CDH26: variants seen among roughly 807,000 people sequenced by gnomAD.
The protein encoded by CDH26 is cadherin 26.
A neutral mutation model predicts 90.3 loss-of-function variants in CDH26; 83 were observed. The observed-to-expected ratio is 0.92, with a 90% CI of 0.77 to 1.10. CDH26 has a LOEUF of 1.10. Ranked by LOEUF, CDH26 falls within the 50% of genes least tolerant of loss-of-function variation. The pLI is 0.00. For synonymous variants in CDH26, 397 were observed against 396.3 expected (o/e 1.00, Z -0.02); for missense variants, 1,013 against 1,037.6 (o/e 0.98, Z 0.33).
intron 15 of CDH26, among the ~76,000 whole-genome samples, chr20:60,002,069 A>G (rs1414381504): frequency 6.6e-6 from 1 of 152,184 alleles, no homozygotes; most frequent in Admixed American, 6.5e-5. Context: ...TTATTTAACC[A>G]AAATGTACTT....
intron 13 of CDH26, among the ~76,000 whole-genome samples, chr20:59,998,662 G>A (rs2061634170): frequency 6.6e-6 from 1 of 152,108 alleles, no homozygotes; most frequent in African/African-American, 2.4e-5. Context: ...TCTGAGAAGT[G>A]GAATTCAACA....
intron 7 of CDH26, among the ~76,000 whole-genome samples, chr20:59,985,393 C>T (rs777290110): frequency 1.3e-5 from 2 of 152,056 alleles, no homozygotes; most frequent in Non-Finnish European, 2.9e-5. Context: ...GGGGAGCAGG[C>T]ATGTCACTCG....
intron 4 of CDH26, among the ~76,000 whole-genome samples, chr20:59,974,928 A>AC (rs2061310054): frequency 6.6e-6 from 1 of 152,044 alleles, no homozygotes; most frequent in Admixed American, 6.5e-5. Flanking sequence ...CTTAGAATGT[A>AC]GTTCTAAGAG....
At position 59,990,416 on chromosome 20, in the gene CDH26, G is replaced by A. The variant is rs143934596; in HGVS notation, c.1283+1253G>A. Among the ~76,000 whole-genome samples, 428 of 152,240 alleles carry A rather than the reference G, an allele frequency of 2.8e-3. 3 individuals carry two copies. The highest frequency in any genetic ancestry group is 9.5e-3 in the African/African-American group (396 of 41,540). ...TTCTCTCTCCAGGCTGAGCTCAGCAGTTGGCCCCAGACCCCATTCCACCAG... is the reference window on the plus strand; with the variant it reads ...TTCTCTCTCCAGGCTGAGCTCAGCAATTGGCCCCAGACCCCATTCCACCAG... On this transcript the variant is annotated intron_variant, in intron 9 of 17. Coordinates refer to ENST00000348616, the MANE Select transcript of CDH26 (RefSeq NM_177980.4).
intron 4 of CDH26, among the ~76,000 whole-genome samples, chr20:59,978,600 C>T (rs2061353911): frequency 6.6e-6 from 1 of 152,030 alleles, no homozygotes; most frequent in African/African-American, 2.4e-5. Flanking sequence ...TCTTGAACTC[C>T]TGACCTCAGG....
At chr20:59,966,874 A>T (rs1367668252) in intron 1 of CDH26, among the ~76,000 whole-genome samples, 6 of 152,238 alleles carry the variant, frequency 3.9e-5, no homozygotes, top group African/African-American at 1.2e-4. Flanking sequence ...ATGGATAAAT[A>T]GATTATTACC....
intron 1 of CDH26, among the ~76,000 whole-genome samples, chr20:59,959,288 T>C (rs2061037203): frequency 6.6e-6 from 1 of 152,070 alleles, no homozygotes; most frequent in African/African-American, 2.4e-5. Flanking sequence ...TTTATAGAGA[T>C]GGATTTTCAC....
intron 1 of CDH26, among the ~76,000 whole-genome samples, chr20:59,963,483 T>A (rs907328531): frequency 2.6e-5 from 4 of 152,080 alleles, no homozygotes; most frequent in African/African-American, 9.7e-5. Context: ...TAAACTCAGG[T>A]CTTCTAAACT....
At chr20:59,981,340 A>C (rs1205114042) in intron 4 of CDH26, among the ~76,000 whole-genome samples, 1 of 152,178 alleles carries the variant, frequency 6.6e-6, no homozygotes, top group Non-Finnish European at 1.5e-5. Context: ...TCATCTTGGC[A>C]ATACTGAGTC....
At chr20:60,031,866 G>A (rs6027250) in intron 8 of CDH26, among the ~76,000 whole-genome samples, 7 of 152,242 alleles carry the variant, frequency 4.6e-5, no homozygotes, top group African/African-American at 7.2e-5. Flanking sequence ...TCTGTCATGC[G>A]ATTTGTAAAT....
chr20:60,035,450 C>T (rs2062075280), downstream of CDH26, among the ~76,000 whole-genome samples: 1 of 152,176 alleles, frequency 6.6e-6, no homozygotes, highest in Admixed American at 6.5e-5. Context: ...TAAAAAGGGT[C>T]TGTAATTTTA....
At chr20:60,012,486 G>A (rs1323065159) in intron 17 of CDH26, 41 bp from the exon 18 acceptor site, 10 of 1,576,968 alleles carry the variant, frequency 6.3e-6, no homozygotes, top group African/African-American at 1.4e-5. Context: ...GGGTATGGAA[G>A]CACATGGCAT....
chr20:59,977,001 G>C (rs140037157), intron 4 of CDH26, among the ~76,000 whole-genome samples: 15 of 152,082 alleles, frequency 9.9e-5, no homozygotes, highest in Non-Finnish European at 2.1e-4. Flanking sequence ...AAGAATCGGC[G>C]GAAGGTGCAG....
intron 16 of CDH26, among the ~76,000 whole-genome samples, chr20:60,006,383 G>C (rs947198413): frequency 6.6e-6 from 1 of 152,242 alleles, no homozygotes; most frequent in African/African-American, 2.4e-5. Flanking sequence ...AATGAGCGAG[G>C]AGGGGCAGTG....
intron 13 of CDH26, among the ~76,000 whole-genome samples, chr20:59,998,757 A>T (rs569924281): frequency 6.6e-6 from 1 of 152,336 alleles, no homozygotes; most frequent in Admixed American, 6.5e-5. Flanking sequence ...TGAGCTTGAT[A>T]GTCTTCTGTC....
At position 59,982,957 on chromosome 20, in the gene CDH26, A is replaced by T. The variant is rs1369946361; in HGVS notation, c.428A>T (p.Lys143Ile). ...YFDVVERSTG[K>I]IVDTSLIFNI... ...GATGTTGTGGAGCGCTCAACAGGAAAAATTGTGGATACATCCTTGATTTTC... is the reference window on the plus strand; with the variant it reads ...GATGTTGTGGAGCGCTCAACAGGAATAATTGTGGATACATCCTTGATTTTC... The change falls in exon 5 of 18, where the codon AAA becomes ATA. Residue 143 changes from lysine to isoleucine, a missense_variant. By Grantham distance (102) the Lys-to-Ile change is moderately radical. Transcript: ENST00000348616. The T allele has an allele frequency of 1.2e-6, 2 of 1,614,104 alleles. No homozygotes were observed. Among genetic ancestry groups the T allele is most frequent in the Non-Finnish European group, 1.7e-6 (2 of 1,179,986 alleles).
chr20:59,961,753 C>T (rs1486707190), intron 1 of CDH26, among the ~76,000 whole-genome samples: 1 of 152,130 alleles, frequency 6.6e-6, no homozygotes. Flanking sequence ...TGTCTTTGTT[C>T]CAGGTTCAGT....
rs2061213311 is a variant in CDH26, at chr20:59,968,981, C to T, written c.84C>T (p.Asp28=). The T allele has an allele frequency of 6.4e-7, 1 of 1,572,720 alleles. No homozygotes were observed. The highest frequency in any genetic ancestry group is 8.7e-7 in the Non-Finnish European group (1 of 1,144,134). ...TTATTTTTAAGGTCAGTATCATTGA[C>T]AGTGTTCAACAGGAAACAGATGATC... ...LLWLLQVSII[D]SVQQETDDLT... is the part of the protein sequence containing the mutation. The change falls in exon 2 of 18, where the codon GAC becomes GAT. Residue 28 remains aspartate (D), a synonymous_variant. Transcript: ENST00000348616.
intron 4 of CDH26, among the ~76,000 whole-genome samples, chr20:59,976,000 ATCTATTTATAT>A (rs2061324257): frequency 6.6e-6 from 1 of 152,228 alleles, no homozygotes; most frequent in African/African-American, 2.4e-5. Context: ...TATGGACCTT[ATCTATTTATAT>A]CAAAATATGC....
Sources: gnomAD v4.1 joint callset for allele counts (sites outside exome capture counted in the v4.1 genomes callset) on GRCh38, gnomAD v4.1.1 for gene constraint, MANE v1.5 for transcripts, NCBI Gene and HGNC (gene_info 2026-07-23, HGNC 2026-07-21) for gene names.